Variants in CSMD3 observed in about 807,000 individuals in gnomAD.
The protein encoded by CSMD3 is CUB and Sushi multiple domains 3.
A neutral mutation model predicts 435.2 loss-of-function variants in CSMD3; 177 were observed. The observed-to-expected ratio is 0.41, with a 90% CI of 0.36 to 0.46. CSMD3 has a LOEUF of 0.46. Ranked by LOEUF, CSMD3 falls within the 20% of genes least tolerant of loss-of-function variation. The pLI, the probability that CSMD3 is intolerant of heterozygous loss-of-function variation, is 0.34. For synonymous variants in CSMD3, 1,656 were observed against 1,520.5 expected (o/e 1.09, Z -2.07); for missense variants, 4,265 against 4,504.6 (o/e 0.95, Z 1.52).
intron 13 of CSMD3, among the ~76,000 whole-genome samples, chr8:112,769,678 T>C (rs1270364598): frequency 9.2e-5 from 14 of 152,016 alleles, no homozygotes; most frequent in Admixed American, 9.2e-4. Context: ...AGAAATATTT[T>C]ATTTAATTAG....
intron 5 of CSMD3, among the ~76,000 whole-genome samples, chr8:113,030,417 T>TAAAAAAAAA (rs35890606): frequency 1.6e-4 from 4 of 24,354 alleles, no homozygotes; most frequent in African/African-American, 4.4e-4. Flanking sequence ...TTGGTACTGG[T>TAAAAAAAAA]AAAAAAAAAA....
chr8:113,164,324 G>A (rs2092106618), intron 4 of CSMD3, among the ~76,000 whole-genome samples: 1 of 151,230 alleles, frequency 6.6e-6, no homozygotes, highest in Non-Finnish European at 1.5e-5. Flanking sequence ...TAGATAACAA[G>A]TGGCCTTAAT....
intron 3 of CSMD3, among the ~76,000 whole-genome samples, chr8:113,224,617 A>G (rs1409344921): frequency 1.3e-5 from 2 of 151,274 alleles, no homozygotes; most frequent in African/African-American, 4.8e-5. Flanking sequence ...TATTACATGG[A>G]TATCACACTG....
intron 5 of CSMD3, among the ~76,000 whole-genome samples, chr8:113,057,686 T>G (rs563274511): frequency 6.6e-6 from 1 of 152,116 alleles, no homozygotes; most frequent in Non-Finnish European, 1.5e-5. Flanking sequence ...AATATTTACA[T>G]ACGACAAGAA....
At chr8:113,213,368 A>G (rs1232160619) in intron 3 of CSMD3, among the ~76,000 whole-genome samples, 1 of 152,162 alleles carries the variant, frequency 6.6e-6, no homozygotes. Context: ...GCAGAAAATC[A>G]GGAATCATGG....
At chr8:112,822,544 G>C (rs2079556492) in intron 12 of CSMD3, among the ~76,000 whole-genome samples, 1 of 152,106 alleles carries the variant, frequency 6.6e-6, no homozygotes, top group Non-Finnish European at 1.5e-5. Flanking sequence ...AGCTTGAGGA[G>C]TTTTGGGGCT....
Position 112,685,595 on chromosome 8 carries a change from C to A in CSMD3, c.2293G>T (p.Asp765Tyr). The change falls in exon 15 of 71, where the codon GAC becomes TAC. Residue 765 changes from aspartate to tyrosine, a missense_variant. This residue lies in a region of CSMD3 where 279 missense variants were observed against 369.0 expected (regional missense o/e 0.76). Transcript: ENST00000297405. ...PGSRIHLSFN[D>Y]FDLESQFDFL... ...TCAAACTGGGATTCCAGGTCAAAGT[C>A]ATTGAAAGAAAGATGTATCCGGCTC... The A allele has an allele frequency of 1.2e-6, 2 of 1,613,908 alleles. No individual in the cohort carries two copies. Among genetic ancestry groups the A allele is most frequent in the Non-Finnish European group, 1.7e-6 (2 of 1,179,940 alleles).
At chr8:112,662,047 C>G (rs942471094) in intron 17 of CSMD3, among the ~76,000 whole-genome samples, 4 of 152,084 alleles carry the variant, frequency 2.6e-5, no homozygotes, top group Admixed American at 6.6e-5. Context: ...GAAGAACATT[C>G]CATGCTCATG....
chr8:112,837,371 C>A (rs1169136319), intron 11 of CSMD3, among the ~76,000 whole-genome samples: 1 of 151,590 alleles, frequency 6.6e-6, no homozygotes, highest in Non-Finnish European at 1.5e-5. Context: ...AATACCAATA[C>A]CAATACCAAG....
intron 22 of CSMD3, among the ~76,000 whole-genome samples, chr8:112,592,402 T>C (rs1020017746): frequency 4.6e-5 from 7 of 151,996 alleles, no homozygotes; most frequent in East Asian, 3.9e-4. Flanking sequence ...CATGTATGTA[T>C]CCAAGGGCAA....
chr8:113,242,619 CAG>C (rs1229868134), intron 3 of CSMD3, among the ~76,000 whole-genome samples: 1 of 151,940 alleles, frequency 6.6e-6, no homozygotes, highest in Non-Finnish European at 1.5e-5. Context: ...CCTTTGGTAA[CAG>C]AATGGACTTA....
rs558918414 is a variant in CSMD3 at position 113,002,952 on chromosome 8, A to G, written c.1030+16115T>C. On this transcript the variant is annotated intron_variant, in intron 6 of 70. Coordinates refer to ENST00000297405, the MANE Select transcript of CSMD3 (RefSeq NM_198123.2). Reference sequence around the variant, plus strand: ...ATTTTTAGTCATGATATAATTAACTAGTGTTGGCCAGGCACGGTGGTTCAC... The same window carrying G: ...ATTTTTAGTCATGATATAATTAACTGGTGTTGGCCAGGCACGGTGGTTCAC... Among the ~76,000 whole-genome samples the G allele has an allele frequency of 2.6e-5, 4 of 152,244 alleles. No homozygotes were observed. In the South Asian group the frequency reaches 8.3e-4, roughly 32 times the overall value.
At chr8:112,231,241 T>G (rs533161657) in intron 69 of CSMD3, among the ~76,000 whole-genome samples, 1 of 152,338 alleles carries the variant, frequency 6.6e-6, no homozygotes, top group East Asian at 1.9e-4. Flanking sequence ...AATTTACAGT[T>G]TAATATTTTC....
chr8:112,563,711 C>G (rs1453190302), intron 24 of CSMD3, among the ~76,000 whole-genome samples: 1 of 151,986 alleles, frequency 6.6e-6, no homozygotes, highest in East Asian at 1.9e-4. Flanking sequence ...CCAAATTAAT[C>G]TTCTAGGTGA....
At chr8:112,507,193 C>T (rs1406714199) in intron 28 of CSMD3, among the ~76,000 whole-genome samples, 2 of 152,012 alleles carry the variant, frequency 1.3e-5, no homozygotes, top group East Asian at 3.9e-4. Context: ...CAAAGCAAAA[C>T]AAAACCTCTA....
At chr8:112,515,268 C>T (rs2853245) in intron 28 of CSMD3, among the ~76,000 whole-genome samples, 8,803 of 152,020 alleles carry the variant, frequency 0.058, 335 homozygotes, top group East Asian at 0.15. Flanking sequence ...ATCCTTTAGC[C>T]AAATCTAAGA....
At chr8:112,342,987 T>TTATA (rs1169036495) in intron 41 of CSMD3, among the ~76,000 whole-genome samples, 26 of 47,300 alleles carry the variant, frequency 5.5e-4, no homozygotes, top group Non-Finnish European at 8.7e-4. Flanking sequence ...ATATATATAT[T>TTATA]TATATATATA....
rs536145943 is a variant in CSMD3 at position 113,226,413 on chromosome 8, T to C, written c.514+52179A>G. On this transcript the variant is annotated intron_variant, in intron 3 of 70. Coordinates refer to ENST00000297405, the MANE Select transcript of CSMD3 (RefSeq NM_198123.2). ...TGTATGTAACTACATTATATAGATA[T>C]ACTGCAATCCTATCCTTGCAAGTCA... 5.3e-5 allele frequency among the ~76,000 whole-genome samples: 8 copies of C among 151,728 alleles called. No homozygotes were observed. In the South Asian group the frequency reaches 8.3e-4, roughly 16 times the overall value.
intron 4 of CSMD3, among the ~76,000 whole-genome samples, chr8:113,153,113 GAAAGAAAGAAAGA>G (rs2091855357): frequency 1.2e-5 from 1 of 86,256 alleles, no homozygotes; most frequent in Non-Finnish European, 2.0e-5. Context: ...AAGAAAGAAA[GAAAGAAAGAAAGA>G]GAAAGAAGGA....
Sources: allele counts gnomAD v4.1 joint callset (sites outside exome capture counted in the v4.1 genomes callset), GRCh38; gene constraint gnomAD v4.1.1; regional missense constraint gnomAD v4.1.1; transcripts MANE v1.5; gene names NCBI Gene and HGNC (gene_info 2026-07-23, HGNC 2026-07-21).